VPS41: variants seen among roughly 807,000 people sequenced by gnomAD.
The protein encoded by VPS41 is VPS41 subunit of HOPS complex.
In VPS41, 85 loss-of-function variants were observed where a neutral mutation model predicts 130.9. The observed-to-expected ratio is 0.65, with a 90% CI of 0.55 to 0.78. The LOEUF is 0.78. Ranked by LOEUF, VPS41 falls within the 30% of genes least tolerant of loss-of-function variation. VPS41 has a pLI of 0.00. For synonymous variants in VPS41, 335 were observed against 332.9 expected, an observed-to-expected ratio of 1.01 and a Z score of -0.07; for missense variants, 874 against 1,018.7, an observed-to-expected ratio of 0.86 and a Z score of 1.93.
At position 38,898,128 on chromosome 7, in the gene VPS41, T is replaced by C; in HGVS notation, c.23A>G (p.Glu8Gly). ...TGTAGATTCTTCAAGGGACCCAGTT[T>C]CCTATAAAGCATAGAAAAAGAAAAT... is the stretch of plus-strand genomic sequence containing the variant. MAEAEEQ[E>G]TGSLEESTDE... Residue 8 changes from glutamate (E) to glycine (G), a missense_variant and splice_region_variant, in exon 2 of 29, where the codon GAA (glutamate) becomes GGA (glycine). By Grantham distance (98) the Glu-to-Gly change is moderately conservative (BLOSUM62 -2). Coordinates refer to ENST00000310301, the MANE Select transcript of VPS41 (RefSeq NM_014396.4). 6.2e-7 allele frequency: 1 copy of C among 1,613,378 alleles called. No individual in the cohort carries two copies. The highest frequency in any genetic ancestry group is 8.5e-7 in the Non-Finnish European group (1 of 1,179,444).
At chr7:38,754,179 G>A (rs1203890664) in intron 21 of VPS41, among the ~76,000 whole-genome samples, 3 of 152,182 alleles carry the variant, frequency 2.0e-5, no homozygotes, top group Non-Finnish European at 4.4e-5. Flanking sequence ...TTGTCATGGT[G>A]AGGGACAAAA....
At chr7:38,862,110 T>A (rs931066178) in intron 4 of VPS41, among the ~76,000 whole-genome samples, 2 of 152,212 alleles carry the variant, frequency 1.3e-5, no homozygotes, top group Admixed American at 1.3e-4. Flanking sequence ...TTCCAGAGTA[T>A]GTAAATTTGC....
intron 4 of VPS41, among the ~76,000 whole-genome samples, chr7:38,847,354 G>A (rs1785748450): frequency 6.6e-6 from 1 of 152,014 alleles, no homozygotes; most frequent in Non-Finnish European, 1.5e-5. Flanking sequence ...CTAGTCCACA[G>A]GGCATCTATC....
chr7:38,898,580 C>T (rs1412188049), intron 1 of VPS41, among the ~76,000 whole-genome samples: 4 of 152,174 alleles, frequency 2.6e-5, no homozygotes, highest in African/African-American at 9.7e-5. Context: ...GCTAAAATAG[C>T]TTTTTAAAAG....
At chr7:38,741,330 G>T (rs1010981614) in intron 25 of VPS41, 2 of 349,482 alleles carry the variant, frequency 5.7e-6, no homozygotes, top group Non-Finnish European at 1.1e-5. Flanking sequence ...GAAGTTACCA[G>T]CATCCTGAAA....
intron 7 of VPS41, among the ~76,000 whole-genome samples, chr7:38,799,018 G>A (rs1039195062): frequency 1.3e-5 from 2 of 152,126 alleles, no homozygotes; most frequent in African/African-American, 2.4e-5. Context: ...TAATGGGGCA[G>A]GAACGAAGGG....
In VPS41 at chr7:38,771,271, A is replaced by C; in HGVS notation, c.1129-17T>G. ...CAATGCTTCCTTTATTCCAAACATA[A>C]GGATGATTTAAAAAAAAAAAAAAGC... On this transcript the variant is annotated splice_polypyrimidine_tract_variant and intron_variant, in intron 13 of 28. Transcript: ENST00000310301. The C allele has an allele frequency of 6.6e-7, 1 of 1,521,244 alleles. No individual in the cohort carries two copies. The highest frequency in any genetic ancestry group is 8.8e-7 in the Non-Finnish European group (1 of 1,138,006). 94.2% of individuals were successfully genotyped at this position (1,521,244 alleles called of 1,614,324 possible).
chr7:38,877,911 C>T (rs1046385297), intron 2 of VPS41, among the ~76,000 whole-genome samples: 4 of 152,178 alleles, frequency 2.6e-5, no homozygotes, highest in African/African-American at 9.7e-5. Context: ...CTTGCCCCAG[C>T]CTCACAGAGC....
intron 8 of VPS41, 42 bp downstream of exon 8, chr7:38,796,703 G>A (rs1173375984): frequency 6.2e-7 from 1 of 1,612,168 alleles, no homozygotes; most frequent in South Asian, 1.1e-5. Context: ...CCATTCTTCT[G>A]CCACTGAACA....
intron 4 of VPS41, among the ~76,000 whole-genome samples, chr7:38,860,527 T>C (rs1221505288): frequency 1.3e-5 from 2 of 152,152 alleles, no homozygotes; most frequent in Non-Finnish European, 2.9e-5. Context: ...TCAAACAACA[T>C]GAACACATTT....
At chr7:38,887,032 A>G (rs1786747407) in intron 2 of VPS41, among the ~76,000 whole-genome samples, 1 of 152,256 alleles carries the variant, frequency 6.6e-6, no homozygotes, top group Non-Finnish European at 1.5e-5. Flanking sequence ...GGTCACCAAC[A>G]TCAAAGACCA....
intron 4 of VPS41, among the ~76,000 whole-genome samples, chr7:38,843,060 T>C (rs1785640784): frequency 6.6e-6 from 1 of 152,108 alleles, no homozygotes; most frequent in Non-Finnish European, 1.5e-5. Context: ...AAAAGCTCTA[T>C]AAAAAGACAA....
chr7:38,726,276 T>A lies in VPS41; in HGVS notation c.2535A>T (p.Pro845=). The change falls in exon 29 of 29, where the codon CCA becomes CCT. Residue 845 remains proline (P), a synonymous_variant. Transcript: ENST00000310301. ...TTTTCATCTCCAAAATTGCACTTCC[T>A]GGTCCACGGTTCTTAGCACTGCAGA... is the stretch of plus-strand genomic sequence containing the variant. ...CNICSAKNRG[P]GSAILEMKK is the part of the protein sequence containing the mutation. 1 of 1,614,074 alleles carries A rather than the reference T, an allele frequency of 6.2e-7. No individual in the cohort carries two copies. The highest frequency in any genetic ancestry group is 8.5e-7 in the Non-Finnish European group (1 of 1,179,914).
chr7:38,888,199 C>T lies in VPS41; in HGVS notation c.60+9892G>A, dbSNP rs542287984. ...TAACAATATTAACCTTAAATGTAAA[C>T]GGGCTAAATGCCCCAATTAAAAGAC... On this transcript the variant is annotated intron_variant, in intron 2 of 28. Coordinates refer to ENST00000310301, the MANE Select transcript of VPS41 (RefSeq NM_014396.4). Among the ~76,000 whole-genome samples, 11 of 152,204 alleles carry T rather than the reference C, an allele frequency of 7.2e-5. 1 individual carries two copies. The South Asian group carries it at 1.0e-3, about 14-fold the overall frequency.
At chr7:38,806,326 C>T (rs927255866) in intron 7 of VPS41, among the ~76,000 whole-genome samples, 1 of 152,138 alleles carries the variant, frequency 6.6e-6, no homozygotes, top group Non-Finnish European at 1.5e-5. Context: ...TTTCAAGGTT[C>T]ACCACATCAT....
At chr7:38,820,241 T>C (rs1219237349) in intron 6 of VPS41, among the ~76,000 whole-genome samples, 1 of 152,226 alleles carries the variant, frequency 6.6e-6, no homozygotes, top group East Asian at 1.9e-4. Context: ...TGTAATGCCC[T>C]GCCTAGAGTA....
intron 17 of VPS41, among the ~76,000 whole-genome samples, chr7:38,761,181 T>A (rs2286084): frequency 0.23 from 34,649 of 149,780 alleles, 4,645 homozygotes; most frequent in East Asian, 0.43. Context: ...TCCTTCCTTG[T>A]CCTTCCTTTC....
intron 25 of VPS41, 61 bp from the exon 26 acceptor site, chr7:38,728,852 G>A: frequency 6.9e-7 from 1 of 1,457,394 alleles, no homozygotes; most frequent in Middle Eastern, 1.7e-4. Flanking sequence ...AGGGGTGAAG[G>A]GACACTGTAC....
intron 25 of VPS41, among the ~76,000 whole-genome samples, chr7:38,735,321 GA>G (rs1438680977): frequency 6.6e-6 from 1 of 152,166 alleles, no homozygotes; most frequent in Admixed American, 6.5e-5. Context: ...AGGTTAGTAA[GA>G]AAGAAGCCAT....
Sources: gnomAD v4.1 joint callset for allele counts (sites outside exome capture counted in the v4.1 genomes callset) on GRCh38, gnomAD v4.1.1 for gene constraint, MANE v1.5 for transcripts, NCBI Gene and HGNC (gene_info 2026-07-23, HGNC 2026-07-21) for gene names.